XKR4: variants seen among roughly 807,000 people sequenced by gnomAD.
XKR4 encodes XK-related protein 4.
A neutral mutation model predicts 53.9 loss-of-function variants in XKR4; 12 were observed. The observed-to-expected ratio is 0.22, with a 90% confidence interval of 0.14 to 0.36. The LOEUF is 0.36. Ranked by LOEUF, XKR4 falls within the 10% of genes least tolerant of loss-of-function variation. The probability of loss-of-function intolerance (pLI) is 1.00; values close to 1 mark genes in which losing one functional copy is unlikely to be tolerated. For synonymous variants in XKR4, 354 were observed against 362.4 expected (o/e 0.98, Z 0.26); for missense variants, 799 against 859.5 (o/e 0.93, Z 0.88).
chr8:55,175,472 C>G (rs1817216134), intron 1 of XKR4, among the ~76,000 whole-genome samples: 1 of 152,142 alleles, frequency 6.6e-6, no homozygotes, highest in East Asian at 1.9e-4. Flanking sequence ...TTTAAATGCC[C>G]AGTTTTATAA....
At chr8:55,264,999 G>C (rs1251526808) in intron 1 of XKR4, among the ~76,000 whole-genome samples, 1 of 152,174 alleles carries the variant, frequency 6.6e-6, no homozygotes, top group African/African-American at 2.4e-5. Context: ...GTTTCCACAG[G>C]CCATATGCAT....
chr8:55,341,198 T>C (rs1459390242), intron 1 of XKR4, among the ~76,000 whole-genome samples: 1 of 152,064 alleles, frequency 6.6e-6, no homozygotes, highest in Non-Finnish European at 1.5e-5. Flanking sequence ...ACAGAGAAAC[T>C]AGTGTGTTCA....
rs190634655 is a variant in XKR4 at position 55,411,092 on chromosome 8, G to A, written c.1006+53215G>A. On this transcript the variant is annotated intron_variant, in intron 2 of 2. Coordinates refer to ENST00000327381, the MANE Select transcript of XKR4 (RefSeq NM_052898.2). Reference sequence around the variant, plus strand: ...TACCCCTATTTAGTAATTATTTCACGTGGTCTTGTACTAACATTAGTTAGC... The same window carrying A: ...TACCCCTATTTAGTAATTATTTCACATGGTCTTGTACTAACATTAGTTAGC... Among the ~76,000 whole-genome samples the A allele has an allele frequency of 3.2e-4, 48 of 152,216 alleles. 1 individual carries two copies. The South Asian group carries it at 6.0e-3, about 19-fold the overall frequency.
chr8:55,494,542 A>T (rs1259901948), intron 2 of XKR4, among the ~76,000 whole-genome samples: 2 of 152,164 alleles, frequency 1.3e-5, no homozygotes, highest in East Asian at 3.9e-4. Context: ...GAGGAGTTTT[A>T]TTAAGTGATA....
chr8:55,204,885 G>A (rs770965068), intron 1 of XKR4, among the ~76,000 whole-genome samples: 1 of 152,214 alleles, frequency 6.6e-6, no homozygotes, highest in Non-Finnish European at 1.5e-5. Context: ...CATTTTGATA[G>A]TAGATACAAA....
chr8:55,261,477 A>G (rs1818525235), intron 1 of XKR4, among the ~76,000 whole-genome samples: 1 of 152,250 alleles, frequency 6.6e-6, no homozygotes, highest in Non-Finnish European at 1.5e-5. Context: ...CATTGATCCA[A>G]CAAGGTTTAG....
intron 2 of XKR4, among the ~76,000 whole-genome samples, chr8:55,402,620 T>A (rs763298084): frequency 1.3e-5 from 2 of 152,206 alleles, no homozygotes; most frequent in Non-Finnish European, 2.9e-5. Flanking sequence ...AGACTTTTAC[T>A]ATGATTCAAA....
intron 2 of XKR4, among the ~76,000 whole-genome samples, chr8:55,404,147 C>A (rs547810593): frequency 9.9e-5 from 15 of 152,170 alleles, no homozygotes; most frequent in East Asian, 5.8e-4. Context: ...ATTCAAAATA[C>A]GAACACTGTT....
At chr8:55,422,695 A>T (rs988173191) in intron 2 of XKR4, among the ~76,000 whole-genome samples, 5 of 152,204 alleles carry the variant, frequency 3.3e-5, no homozygotes, top group African/African-American at 1.2e-4. Flanking sequence ...GACTTTGGGG[A>T]TAGCATGAGA....
At chr8:55,436,489 T>A (rs1049193778) in intron 2 of XKR4, among the ~76,000 whole-genome samples, 1 of 152,218 alleles carries the variant, frequency 6.6e-6, no homozygotes, top group African/African-American at 2.4e-5. Context: ...CCTGGAAAAT[T>A]CCTAACATGT....
chr8:55,445,730 C>T (rs1805337582), intron 2 of XKR4, among the ~76,000 whole-genome samples: 1 of 152,164 alleles, frequency 6.6e-6, no homozygotes, highest in African/African-American at 2.4e-5. Flanking sequence ...TCAGAAGATA[C>T]AATCTGTCCC....
At chr8:55,183,893 T>G (rs1291389663) in intron 1 of XKR4, among the ~76,000 whole-genome samples, 1 of 152,198 alleles carries the variant, frequency 6.6e-6, no homozygotes, top group African/African-American at 2.4e-5. Context: ...ATTAGTGTTC[T>G]CTTTATGTAA....
At position 55,533,725 on chromosome 8, in the gene XKR4, TG is replaced by T. The variant is rs1248218655; in HGVS notation, c.*9499del. The T allele has an allele frequency of 6.6e-6, 1 of 152,206 alleles. No individual in the cohort carries two copies. Among genetic ancestry groups the T allele is most frequent in the Non-Finnish European group, 1.5e-5 (1 of 68,036 alleles). The allele number at this position is 152,206 out of a possible 1,614,324, so 9.4% of individuals were successfully genotyped here. ...ATTAATTCAACAGACACTTTAATCTTGCAAATTCTTGACTTGTAATATTGTA... is the reference window on the plus strand; with the variant it reads ...ATTAATTCAACAGACACTTTAATCTTCAAATTCTTGACTTGTAATATTGTA... On this transcript the variant is annotated 3_prime_UTR_variant, in exon 3 of 3. Coordinates refer to ENST00000327381, the MANE Select transcript of XKR4 (RefSeq NM_052898.2).
At chr8:55,453,255 T>G in intron 2 of XKR4, 1 of 491,030 alleles carries the variant, frequency 2.0e-6, no homozygotes, top group South Asian at 1.5e-5. Context: ...GCAGCCGAGA[T>G]GCCATGCTTG....
At chr8:55,445,655 C>T (rs1020066933) in intron 2 of XKR4, among the ~76,000 whole-genome samples, 4 of 148,374 alleles carry the variant, frequency 2.7e-5, no homozygotes, top group Admixed American at 6.7e-5. Context: ...CTGTCTAGGG[C>T]GGGAGATTAG....
chr8:55,321,053 G>T (rs866585065), intron 1 of XKR4, among the ~76,000 whole-genome samples: 59 of 152,124 alleles, frequency 3.9e-4, no homozygotes, highest in African/African-American at 1.3e-3. Context: ...ATCTCTGCTT[G>T]CCTCTCTTGT....
At chr8:55,437,685 A>C (rs1412514052) in intron 2 of XKR4, among the ~76,000 whole-genome samples, 2 of 152,204 alleles carry the variant, frequency 1.3e-5, no homozygotes, top group Non-Finnish European at 2.9e-5. Flanking sequence ...ATTGGGAGGA[A>C]GTGTTGCATA....
chr8:55,536,972 A>G lies in XKR4; in HGVS notation c.*12745A>G, dbSNP rs1172142656. On this transcript the variant is annotated 3_prime_UTR_variant, in exon 3 of 3. Coordinates refer to ENST00000327381, the MANE Select transcript of XKR4 (RefSeq NM_052898.2). ...AAGTTTCTTAAGTTTTTATTCTTCA[A>G]ATAGAAGTTTTAATTTTAAGCATTC... 6.6e-6 allele frequency: 1 copy of G among 152,270 alleles called. No homozygotes were observed. The highest frequency in any genetic ancestry group is 1.5e-5 in the Non-Finnish European group (1 of 68,048). The allele number at this position is 152,270 out of a possible 1,614,324, so 9.4% of individuals were successfully genotyped here.
intron 2 of XKR4, among the ~76,000 whole-genome samples, chr8:55,440,199 T>G (rs1805244656): frequency 6.6e-6 from 1 of 152,136 alleles, no homozygotes; most frequent in African/African-American, 2.4e-5. Flanking sequence ...ACAGAAAATT[T>G]AATATTAACA....
Sources: allele counts gnomAD v4.1 joint callset (sites outside exome capture counted in the v4.1 genomes callset), GRCh38; gene constraint gnomAD v4.1.1; transcripts MANE v1.5; gene names NCBI Gene and HGNC (gene_info 2026-07-23, HGNC 2026-07-21).